PDZRN4: variants seen among roughly 807,000 people sequenced by gnomAD.
PDZRN4 encodes PDZ domain-containing RING finger protein 4.
Under a neutral mutation model 99.0 loss-of-function variants are expected in PDZRN4, and 70 were observed. That is an observed-to-expected ratio of 0.71 (90% CI 0.58 to 0.86). The LOEUF (loss-of-function observed/expected upper bound fraction) is 0.86. Ranked by LOEUF, PDZRN4 falls within the 40% of genes least tolerant of loss-of-function variation. The pLI, the probability that PDZRN4 is intolerant of heterozygous loss-of-function variation, is 0.00. For synonymous variants in PDZRN4, 551 were observed against 501.6 expected (o/e 1.10, Z -1.32); for missense variants, 1,474 against 1,331.2 (o/e 1.11, Z -1.67).
intron 3 of PDZRN4, among the ~76,000 whole-genome samples, chr12:41,234,598 G>GAA (rs1474595290): frequency 6.6e-6 from 1 of 152,072 alleles, no homozygotes; most frequent in East Asian, 1.9e-4. Flanking sequence ...AGTCACATTT[G>GAA]AGCACATAGG....
intron 3 of PDZRN4, among the ~76,000 whole-genome samples, chr12:41,411,223 T>C (rs532772632): frequency 1.3e-5 from 2 of 152,180 alleles, no homozygotes; most frequent in South Asian, 4.2e-4. Flanking sequence ...TACAACCTAA[T>C]GCCTAGAAGG....
At chr12:41,200,990 T>C (rs1476395677) in intron 3 of PDZRN4, among the ~76,000 whole-genome samples, 1 of 152,064 alleles carries the variant, frequency 6.6e-6, no homozygotes, top group Non-Finnish European at 1.5e-5. Context: ...AACTTTCCTT[T>C]CTTCCAGCCT....
chr12:41,439,779 G>T (rs945494109), intron 3 of PDZRN4, among the ~76,000 whole-genome samples: 2 of 152,006 alleles, frequency 1.3e-5, no homozygotes, highest in African/African-American at 4.8e-5. Context: ...TAATAAAGGG[G>T]GTGAAAAATG....
intron 3 of PDZRN4, among the ~76,000 whole-genome samples, chr12:41,378,301 A>G (rs574179448): frequency 4.4e-4 from 67 of 152,038 alleles, no homozygotes; most frequent in Non-Finnish European, 8.4e-4. Flanking sequence ...TTTATGCTGA[A>G]CCGTCCTTAC....
intron 3 of PDZRN4, among the ~76,000 whole-genome samples, chr12:41,434,087 T>C (rs1181932391): frequency 6.6e-6 from 1 of 152,216 alleles, no homozygotes; most frequent in East Asian, 1.9e-4. Flanking sequence ...CCAAATGATA[T>C]GTATATGTGA....
intron 5 of PDZRN4, among the ~76,000 whole-genome samples, chr12:41,540,890 T>C (rs1044723604): frequency 9.7e-5 from 11 of 113,396 alleles, no homozygotes; most frequent in African/African-American, 3.6e-4. Flanking sequence ...TTGTTGTTGT[T>C]GTCCCTTTTC....
chr12:41,374,921 T>C (rs1365370976), intron 3 of PDZRN4, among the ~76,000 whole-genome samples: 2 of 152,166 alleles, frequency 1.3e-5, no homozygotes, highest in African/African-American at 4.8e-5. Flanking sequence ...ATACCTCTTC[T>C]GAGATTAGGT....
intron 3 of PDZRN4, among the ~76,000 whole-genome samples, chr12:41,404,516 G>T (rs1261106972): frequency 1.3e-5 from 2 of 151,976 alleles, no homozygotes; most frequent in Non-Finnish European, 2.9e-5. Context: ...GATGACACAA[G>T]TAAATGGAAA....
intron 3 of PDZRN4, among the ~76,000 whole-genome samples, chr12:41,330,490 T>TA (rs201298001): frequency 0.13 from 18,473 of 139,386 alleles, 1,623 homozygotes; most frequent in African/African-American, 0.25. Flanking sequence ...TCTAATATGG[T>TA]AAAAAAAAAA....
chr12:41,376,415 G>A (rs986210845), intron 3 of PDZRN4, among the ~76,000 whole-genome samples: 4 of 151,852 alleles, frequency 2.6e-5, no homozygotes, highest in African/African-American at 9.7e-5. Flanking sequence ...TTAGATAATA[G>A]CCATCCTAAC....
In PDZRN4 at chr12:41,573,104, A is replaced by G. The variant is rs773483512; in HGVS notation, c.2325A>G (p.Thr775=). The G allele has an allele frequency of 5.0e-6, 8 of 1,614,120 alleles. No individual in the cohort carries two copies. Among genetic ancestry groups the G allele is most frequent in the South Asian group, 1.1e-5 (1 of 91,078 alleles). ...CCAATAAGAAAAACCTGAGAAGCAC[A>G]ATGGCAGCCACCCAGTCCTCTTCCG... ...NLTNKKNLRS[T]MAATQSSSGQ... is the part of the protein sequence containing the mutation. Residue 775 remains threonine (T), a synonymous_variant, in exon 10 of 10, where the codon ACA becomes ACG. Coordinates refer to ENST00000402685, the MANE Select transcript of PDZRN4 (RefSeq NM_001164595.2).
At chr12:41,464,281 C>T (rs1272226780) in intron 3 of PDZRN4, among the ~76,000 whole-genome samples, 3 of 120,040 alleles carry the variant, frequency 2.5e-5, no homozygotes, top group South Asian at 3.5e-4. Flanking sequence ...TAGCTTCCTA[C>T]TGTACTAGCT....
At chr12:41,240,358 C>T (rs1007319811) in intron 3 of PDZRN4, among the ~76,000 whole-genome samples, 1 of 152,186 alleles carries the variant, frequency 6.6e-6, no homozygotes, top group Non-Finnish European at 1.5e-5. Flanking sequence ...TGTCTCAAAA[C>T]ATAATGGGTG....
At chr12:41,351,130 T>A (rs1304322862) in intron 3 of PDZRN4, among the ~76,000 whole-genome samples, 1 of 152,108 alleles carries the variant, frequency 6.6e-6, no homozygotes, top group Non-Finnish European at 1.5e-5. Flanking sequence ...TGACTTGAGT[T>A]TTACATACAG....
chr12:41,536,736 GA>G (rs1246983901), intron 5 of PDZRN4, among the ~76,000 whole-genome samples: 1 of 131,732 alleles, frequency 7.6e-6, no homozygotes, highest in African/African-American at 3.0e-5. Flanking sequence ...AAAACTGCCT[GA>G]AAAAAATAAC....
At chr12:41,197,097 T>C (rs985348023) in intron 3 of PDZRN4, among the ~76,000 whole-genome samples, 3 of 152,114 alleles carry the variant, frequency 2.0e-5, no homozygotes, top group African/African-American at 7.2e-5. Flanking sequence ...TTATATATAG[T>C]CAAGATATGC....
At chr12:41,445,229 C>T (rs540549815) in intron 3 of PDZRN4, among the ~76,000 whole-genome samples, 4 of 152,154 alleles carry the variant, frequency 2.6e-5, no homozygotes, top group African/African-American at 9.6e-5. Context: ...GACTCTTCGA[C>T]TCACCTGAAT....
At chr12:41,522,003 A>C (rs1938500291) in intron 5 of PDZRN4, among the ~76,000 whole-genome samples, 3 of 152,118 alleles carry the variant, frequency 2.0e-5, no homozygotes, top group African/African-American at 7.2e-5. Context: ...GGATCCACTG[A>C]CAGCTGTTGA....
chr12:41,414,197 T>C (rs1952423761), intron 3 of PDZRN4, among the ~76,000 whole-genome samples: 1 of 152,154 alleles, frequency 6.6e-6, no homozygotes, highest in Non-Finnish European at 1.5e-5. Flanking sequence ...CTGACAGGGC[T>C]CCCTTTGCAC....
Sources: gnomAD v4.1 joint callset for allele counts (sites outside exome capture counted in the v4.1 genomes callset) on GRCh38, gnomAD v4.1.1 for gene constraint, MANE v1.5 for transcripts, NCBI Gene and HGNC (gene_info 2026-07-23, HGNC 2026-07-21) for gene names.